The following SLC14A2 variants were observed in gnomAD, a reference collection of about 807,000 sequenced individuals.
SLC14A2 encodes urea transporter 2.
Under a neutral mutation model 104.6 loss-of-function variants are expected in SLC14A2, and 91 were observed. The observed-to-expected ratio is 0.87, with a 90% CI of 0.73 to 1.04. The LOEUF (loss-of-function observed/expected upper bound fraction) is 1.04, where lower values mean the gene tolerates loss of function less well. SLC14A2 is among the 50% of genes least tolerant of loss of function. The pLI, the probability that SLC14A2 is intolerant of heterozygous loss-of-function variation, is 0.00. For missense variants in SLC14A2, 1,189 were observed against 1,156.0 expected (o/e 1.03, Z -0.41); for synonymous variants, 476 against 466.4 (o/e 1.02, Z -0.27).
At chr18:45,498,244 C>T (rs1336549132) in intron 2 of SLC14A2, among the ~76,000 whole-genome samples, 7 of 152,150 alleles carry the variant, frequency 4.6e-5, no homozygotes, top group Admixed American at 4.6e-4. Context: ...ACAAAGAAAA[C>T]AATTTCCCAG....
At chr18:45,461,876 T>C (rs957618799) in intron 1 of SLC14A2, among the ~76,000 whole-genome samples, 1 of 152,200 alleles carries the variant, frequency 6.6e-6, no homozygotes, top group African/African-American at 2.4e-5. Flanking sequence ...TAATGCTAGA[T>C]TGTTTTCCTC....
intron 1 of SLC14A2, among the ~76,000 whole-genome samples, chr18:45,467,277 G>T (rs1456088505): frequency 2.6e-5 from 4 of 152,184 alleles, no homozygotes; most frequent in Admixed American, 1.3e-4. Flanking sequence ...GTGGGAGCTG[G>T]CCTCACGAAT....
At chr18:45,609,350 T>A (rs2044931269) in intron 2 of SLC14A2, among the ~76,000 whole-genome samples, 1 of 129,192 alleles carries the variant, frequency 7.7e-6, no homozygotes, top group Non-Finnish European at 1.7e-5. Context: ...TTCATTCCTT[T>A]GTGCCAATCA....
chr18:45,370,178 C>T (rs879822210), intron 1 of SLC14A2, among the ~76,000 whole-genome samples: 2 of 152,204 alleles, frequency 1.3e-5, no homozygotes, highest in Non-Finnish European at 2.9e-5. Context: ...GATTACTCCC[C>T]TTCCTGGAAA....
chr18:45,303,529 T>C lies in SLC14A2; in HGVS notation c.-125+90338T>C, dbSNP rs541580620. Among the ~76,000 whole-genome samples the C allele has an allele frequency of 9.8e-5, 15 of 152,370 alleles. No homozygotes were observed. The South Asian group carries it at 3.1e-3, about 32-fold the overall frequency. On this transcript the variant is annotated intron_variant, in intron 1 of 20. Coordinates refer to the SLC14A2 transcript ENST00000586448. ...GGCCTCATGTGGACATTGCTGGGAA[T>C]AGTCCCCAATGCTGGCTGCTGCTCT...
chr18:45,421,727 C>T (rs1421712332), intron 1 of SLC14A2, among the ~76,000 whole-genome samples: 2 of 152,176 alleles, frequency 1.3e-5, no homozygotes, highest in African/African-American at 2.4e-5. Flanking sequence ...ATGCTCTCCT[C>T]ACCAAGCATG....
intron 1 of SLC14A2, among the ~76,000 whole-genome samples, chr18:45,460,624 C>T (rs1465906891): frequency 2.6e-5 from 4 of 152,228 alleles, no homozygotes; most frequent in Non-Finnish European, 5.9e-5. Context: ...ATATCACTAA[C>T]ATTTCATGTA....
chr18:45,502,014 AG>A (rs200719227), intron 2 of SLC14A2, among the ~76,000 whole-genome samples: 1,524 of 152,312 alleles, frequency 0.01, 22 homozygotes, highest in African/African-American at 0.035. Flanking sequence ...GATTTTTCAC[AG>A]GGCTTAGAGG....
chr18:45,629,114 G>A (rs986799351), intron 4 of SLC14A2, among the ~76,000 whole-genome samples: 3 of 152,184 alleles, frequency 2.0e-5, no homozygotes, highest in Non-Finnish European at 4.4e-5. Flanking sequence ...ATGGTCAGAG[G>A]CCCATTGGTG....
chr18:45,187,013 T>C, the SLC14A2 span, among the ~76,000 whole-genome samples: 1 of 152,166 alleles, frequency 6.6e-6, no homozygotes, highest in Non-Finnish European at 1.5e-5. Flanking sequence ...CTGCAGTCAC[T>C]GTGGGGAAGC....
intron 1 of SLC14A2, among the ~76,000 whole-genome samples, chr18:45,319,326 G>A (rs899648296): frequency 1.3e-5 from 2 of 152,212 alleles, no homozygotes; most frequent in African/African-American, 2.4e-5. Context: ...GCCTCTTAAA[G>A]GCAACATTGG....
At chr18:45,318,683 A>G (rs2085155159) in intron 1 of SLC14A2, among the ~76,000 whole-genome samples, 2 of 151,900 alleles carry the variant, frequency 1.3e-5, no homozygotes, top group South Asian at 4.2e-4. Flanking sequence ...GTTACTCAGG[A>G]GGCTGAGGCA....
At chr18:45,660,478 G>C (rs770199742) in intron 10 of SLC14A2, among the ~76,000 whole-genome samples, 1 of 152,154 alleles carries the variant, frequency 6.6e-6, no homozygotes, top group Non-Finnish European at 1.5e-5. Flanking sequence ...ATTTTCCAGC[G>C]CATTTCGTAA....
chr18:45,295,964 T>TGAGG (rs76161033), intron 1 of SLC14A2, among the ~76,000 whole-genome samples: 1,889 of 151,674 alleles, frequency 0.012, 29 homozygotes, highest in East Asian at 0.031. Flanking sequence ...AGATTCTTAG[T>TGAGG]GAGGAATCTA....
At chr18:45,505,065 A>G (rs2043260449) in intron 2 of SLC14A2, among the ~76,000 whole-genome samples, 1 of 152,336 alleles carries the variant, frequency 6.6e-6, no homozygotes, top group East Asian at 1.9e-4. Flanking sequence ...TAGGAAAAGA[A>G]AAATAAAAGT....
At chr18:45,511,947 C>T (rs1174814441) in intron 2 of SLC14A2, among the ~76,000 whole-genome samples, 2 of 152,130 alleles carry the variant, frequency 1.3e-5, no homozygotes, top group Non-Finnish European at 2.9e-5. Context: ...TGTTTGAAGA[C>T]AGGTAGACTG....
At chr18:45,314,268 C>A (rs1005477017) in intron 1 of SLC14A2, among the ~76,000 whole-genome samples, 1 of 152,076 alleles carries the variant, frequency 6.6e-6, no homozygotes, top group African/African-American at 2.4e-5. Context: ...CAACCTTGCC[C>A]GTGTCCAAGA....
chr18:45,401,165 G>T (rs2086091794), intron 1 of SLC14A2, among the ~76,000 whole-genome samples: 1 of 152,034 alleles, frequency 6.6e-6, no homozygotes, highest in Non-Finnish European at 1.5e-5. Flanking sequence ...ACCTTATGAG[G>T]CCTTTCCTGT....
At chr18:45,244,736 G>T (rs776057884) in intron 1 of SLC14A2, among the ~76,000 whole-genome samples, 1 of 152,178 alleles carries the variant, frequency 6.6e-6, no homozygotes, top group Non-Finnish European at 1.5e-5. Context: ...ATGGCATCCC[G>T]CTCTGATCAG....
Sources: gnomAD v4.1 joint callset for allele counts (sites outside exome capture counted in the v4.1 genomes callset) on GRCh38, gnomAD v4.1.1 for gene constraint, MANE v1.5 for transcripts, NCBI Gene and HGNC (gene_info 2026-07-23, HGNC 2026-07-21) for gene names.